TRERF1: variants seen among roughly 807,000 people sequenced by gnomAD.
TRERF1 encodes transcriptional regulating factor 1.
TRERF1 carries 27 observed loss-of-function variants against 122.9 expected under a neutral mutation model. The ratio of observed to expected loss-of-function variants is 0.22; its 90% CI spans 0.16 to 0.30. The LOEUF is 0.30. Ranked by LOEUF, TRERF1 falls within the 10% of genes least tolerant of loss-of-function variation. TRERF1 has a pLI of 1.00. For synonymous variants in TRERF1, 636 were observed against 641.7 expected (o/e 0.99, Z 0.13); for missense variants, 1,248 against 1,560.3 (o/e 0.80, Z 3.37).
intron 2 of TRERF1, among the ~76,000 whole-genome samples, chr6:42,429,695 C>T (rs965168237): frequency 1.3e-5 from 2 of 152,136 alleles, no homozygotes; most frequent in East Asian, 3.9e-4. Flanking sequence ...ATTTACGGAG[C>T]GCCTACTGTG....
chr6:42,259,328 G>T lies in TRERF1; in HGVS notation c.2269+11C>A, dbSNP rs763524757. 1 of 1,495,298 alleles carries T rather than the reference G, an allele frequency of 6.7e-7. No individual in the cohort carries two copies. Among genetic ancestry groups the T allele is most frequent in the South Asian group, 1.4e-5 (1 of 73,980 alleles). The allele number at this position is 1,495,298 out of a possible 1,614,324, so 92.6% of individuals were successfully genotyped here. On this transcript the variant is annotated intron_variant, in intron 9 of 17. Transcript: ENST00000372922. This position sits in a 1 kb window ranked among gnomAD's most constrained non-coding sequence, Gnocchi z 4.9. ...CCCAGAGCCCAGGAGGACGCTAAAG[G>T]GGTGACTCACTGGAGCGACACAGCA...
chr6:42,267,681 T>C (rs6920611), intron 5 of TRERF1, among the ~76,000 whole-genome samples: 10 of 152,296 alleles, frequency 6.6e-5, no homozygotes, highest in African/African-American at 1.4e-4. Context: ...GTATTTATCC[T>C]GAGAACCCAC....
At chr6:42,242,408 A>G (rs1582504238) in intron 15 of TRERF1, among the ~76,000 whole-genome samples, 1 of 152,286 alleles carries the variant, frequency 6.6e-6, no homozygotes, top group Non-Finnish European at 1.5e-5. Context: ...AAATATTTAC[A>G]TAATTCATGA....
intron 4 of TRERF1, among the ~76,000 whole-genome samples, chr6:42,283,288 C>T (rs183061981): frequency 1.2e-3 from 176 of 152,312 alleles, no homozygotes; most frequent in African/African-American, 4.1e-3. Context: ...TGTGCCTGTC[C>T]TCAAATGACC....
In TRERF1 at chr6:42,393,700, A is replaced by T. The variant is rs191277909; in HGVS notation, c.-453-30621T>A. ...GCAAAAGAAATGGAAGGCAATTTAG[A>T]TGACTAAATATAGGGGAGCTGGTTA... On this transcript the variant is annotated intron_variant, in intron 2 of 17. Transcript: ENST00000372922. This position sits in a 1 kb window ranked among gnomAD's most constrained non-coding sequence, Gnocchi z 4.1. 2.5e-4 allele frequency among the ~76,000 whole-genome samples: 38 copies of T among 152,350 alleles called. No individual in the cohort carries two copies. In the East Asian group the frequency reaches 6.0e-3, roughly 24 times the overall value.
chr6:42,268,356 C>T lies in TRERF1; in HGVS notation c.1235G>A (p.Ser412Asn), dbSNP rs148963468. The T allele has an allele frequency of 2.9e-4, 441 of 1,525,022 alleles. 1 individual carries two copies. The African/African-American group carries it at 4.8e-3, about 17-fold the overall frequency. The allele number at this position is 1,525,022 out of a possible 1,614,324, so 94.5% of individuals were successfully genotyped here. Residue 412 changes from serine to asparagine, a missense_variant, in exon 5 of 18, where the codon AGT becomes AAT. Physicochemically the swap from Ser to Asn is conservative, Grantham distance 46. Transcript: ENST00000372922. This position sits in a 1 kb window ranked among gnomAD's most constrained non-coding sequence, Gnocchi z 4.4. ...CAGCATGGCCTGGGCCTGTCTGTCA[C>T]TAGAGTAGGTCTTCAGCTGACTGTC...
At chr6:42,305,348 A>G (rs1481787210) in intron 3 of TRERF1, among the ~76,000 whole-genome samples, 1 of 152,124 alleles carries the variant, frequency 6.6e-6, no homozygotes, top group East Asian at 1.9e-4. Flanking sequence ...CAAGGCCAGA[A>G]TCTTCCCACA....
chr6:42,433,200 G>A lies in TRERF1; in HGVS notation c.-454+17977C>T, dbSNP rs968009679. Among the ~76,000 whole-genome samples, 4 of 152,084 alleles carry A rather than the reference G, an allele frequency of 2.6e-5. No homozygotes were observed. In the South Asian group the frequency reaches 6.2e-4, roughly 24 times the overall value. ...AAGGAACACAGAGGCAAAACAGAAA[G>A]CAGTAAATGAAAGCTTTCAGCAGCT... On this transcript the variant is annotated intron_variant, in intron 2 of 17. Transcript: ENST00000372922.
chr6:42,307,677 A>AG (rs145119984), intron 3 of TRERF1, among the ~76,000 whole-genome samples: 6,652 of 147,066 alleles, frequency 0.045, 219 homozygotes, highest in African/African-American at 0.1. Context: ...TAAAGGGGAG[A>AG]GGTAAATGTA....
chr6:42,291,998 T>C lies in TRERF1; in HGVS notation c.-259+8640A>G, dbSNP rs533953932. On this transcript the variant is annotated intron_variant, in intron 4 of 17. Transcript: ENST00000372922. ...CTCAACGTTCCACTGGCATAGTGAGTCCCTCCAGCAGGCCTATCTAACTTC... is the reference window on the plus strand; with the variant it reads ...CTCAACGTTCCACTGGCATAGTGAGCCCCTCCAGCAGGCCTATCTAACTTC... 1.2e-4 allele frequency among the ~76,000 whole-genome samples: 19 copies of C among 152,206 alleles called. No homozygotes were observed. In the South Asian group the frequency reaches 3.9e-3, roughly 32 times the overall value.
chr6:42,229,386 C>T (rs534301629), intron 17 of TRERF1, among the ~76,000 whole-genome samples: 42 of 152,300 alleles, frequency 2.8e-4, no homozygotes, highest in African/African-American at 9.6e-4. Context: ...GATCCTCCCA[C>T]CTTGGCCTCC....
intron 3 of TRERF1, among the ~76,000 whole-genome samples, chr6:42,330,288 A>G (rs1413547482): frequency 6.6e-6 from 1 of 152,236 alleles, no homozygotes; most frequent in Non-Finnish European, 1.5e-5. Context: ...ATCATACTGC[A>G]GTGTTGGCAA....
In TRERF1 at chr6:42,418,367, T is replaced by A. The variant is rs1044508600; in HGVS notation, c.-454+32810A>T. On this transcript the variant is annotated intron_variant, in intron 2 of 17. Coordinates refer to ENST00000372922, the Ensembl canonical transcript of TRERF1. ...TCACTGCAACCTCTGCCTCCCGGGT[T>A]CAAGCAATTCTCCTACCTCAGCCTC... Among the ~76,000 whole-genome samples the A allele has an allele frequency of 3.3e-5, 5 of 150,732 alleles. No individual in the cohort carries two copies. In the Admixed American group the frequency reaches 3.3e-4, roughly 10 times the overall value.
chr6:42,441,282 A>T (rs1378360816), intron 2 of TRERF1, among the ~76,000 whole-genome samples: 2 of 152,156 alleles, frequency 1.3e-5, no homozygotes, highest in Non-Finnish European at 2.9e-5. Context: ...TTCTTCAAGG[A>T]CACATCACCC....
rs1427361987 is a variant in TRERF1, at chr6:42,289,658, G to C, written c.-259+10980C>G. On this transcript the variant is annotated intron_variant, in intron 4 of 17. Coordinates refer to ENST00000372922, the Ensembl canonical transcript of TRERF1. ...AGAACACTTCCCCTTCAAAGAGAAG[G>C]AAAGTCAGTGTTCCCATATCATCAA... Among the ~76,000 whole-genome samples the C allele has an allele frequency of 2.0e-5, 3 of 152,148 alleles. 1 individual carries two copies. Among genetic ancestry groups the C allele is most frequent in the Non-Finnish European group, 4.4e-5 (3 of 68,026 alleles).
intron 3 of TRERF1, among the ~76,000 whole-genome samples, chr6:42,306,827 G>A (rs1787349014): frequency 6.6e-6 from 1 of 152,158 alleles, no homozygotes; most frequent in Non-Finnish European, 1.5e-5. Flanking sequence ...TGTGATTAAC[G>A]AGTTGGTCTC....
At chr6:42,277,974 A>G (rs142450599) in intron 4 of TRERF1, among the ~76,000 whole-genome samples, 3 of 147,002 alleles carry the variant, frequency 2.0e-5, no homozygotes, top group South Asian at 4.3e-4. Context: ...AAGAAGAAGA[A>G]GACTGCAATA....
chr6:42,288,969 G>GTGTA, intron 4 of TRERF1, among the ~76,000 whole-genome samples: 1 of 151,460 alleles, frequency 6.6e-6, no homozygotes, highest in East Asian at 1.9e-4. Flanking sequence ...GTGTGTGTGT[G>GTGTA]TGTGTGTGTG....
intron 4 of TRERF1, among the ~76,000 whole-genome samples, chr6:42,299,939 A>G (rs1785862412): frequency 6.6e-6 from 1 of 152,266 alleles, no homozygotes; most frequent in African/African-American, 2.4e-5. Context: ...ATGAGCAACC[A>G]GCAAGGCAGA....
Sources: allele counts gnomAD v4.1 joint callset (sites outside exome capture counted in the v4.1 genomes callset), GRCh38; gene constraint gnomAD v4.1.1; non-coding constraint Gnocchi (gnomAD v3.1); transcripts MANE v1.5; gene names NCBI Gene and HGNC (gene_info 2026-07-23, HGNC 2026-07-21).